The following CD163L1 variants were observed in gnomAD, a reference collection of about 807,000 sequenced individuals.
CD163L1 encodes the protein CD163 molecule like 1.
A neutral mutation model predicts 165.4 loss-of-function variants in CD163L1; 124 were observed. The observed-to-expected ratio is 0.75, with a 90% CI of 0.65 to 0.87. The LOEUF (loss-of-function observed/expected upper bound fraction) is 0.87, where lower values mean the gene tolerates loss of function less well. CD163L1 is among the 40% of genes least tolerant of loss of function. The pLI is 0.00. For synonymous variants in CD163L1, 585 were observed against 662.2 expected (o/e 0.88, Z 1.79); for missense variants, 1,525 against 1,799.9 (o/e 0.85, Z 2.76).
At chr12:7,426,370 G>A (rs1044574637) in intron 4 of CD163L1, among the ~76,000 whole-genome samples, 1 of 151,992 alleles carries the variant, frequency 6.6e-6, no homozygotes, top group Non-Finnish European at 1.5e-5. Flanking sequence ...ATGACAGGTT[G>A]ATAGGTCAGC....
intron 4 of CD163L1, among the ~76,000 whole-genome samples, chr12:7,431,025 A>G (rs1379627647): frequency 1.3e-5 from 2 of 152,178 alleles, no homozygotes; most frequent in African/African-American, 2.4e-5. Context: ...ATGACTACAG[A>G]GAGGTCACTG....
chr12:7,324,206 T>G, the CD163L1 span: 1 of 1,571,872 alleles, frequency 6.4e-7, no homozygotes. Context: ...TACTAGTCAC[T>G]TAATGAGTGC....
chr12:7,367,308 G>A lies in CD163L1; in HGVS notation c.4207C>T (p.Leu1403Phe), dbSNP rs1448681185. Residue 1403 changes from leucine (L) to phenylalanine (F), a missense_variant, in exon 18 of 20, where the codon CTC becomes TTC. Coordinates refer to ENST00000313599, the MANE Select transcript of CD163L1 (RefSeq NM_174941.6). ...LRVSTRRRGS[L>F]EENLFHEMET... is the part of the protein sequence containing the mutation. ...ATCTCATGGAATAAATTCTCCTCGAGAGAACCCCTCCTTCTGGTTGAAACT... is the reference window on the plus strand; with the variant it reads ...ATCTCATGGAATAAATTCTCCTCGAAAGAACCCCTCCTTCTGGTTGAAACT... The A allele has an allele frequency of 6.2e-7, 1 of 1,613,016 alleles. No homozygotes were observed. The highest frequency in any genetic ancestry group is 1.1e-5 in the South Asian group (1 of 90,982).
chr12:7,434,492 A>G (rs1036886868), intron 2 of CD163L1, among the ~76,000 whole-genome samples: 6 of 152,186 alleles, frequency 3.9e-5, no homozygotes, highest in Non-Finnish European at 8.8e-5. Context: ...CAGACAATAA[A>G]AATTTAAATG....
chr12:7,369,802 T>A lies in CD163L1; in HGVS notation c.3731-137A>T. On this transcript the variant is annotated intron_variant, in intron 14 of 19. Transcript: ENST00000313599. This position sits in a 1 kb window ranked among gnomAD's most constrained non-coding sequence, Gnocchi z 4.9. ...AGGAAGGCAGAATTTCAATGTTACA[T>A]AGATTAGACAAGAACCTGTGAAGTG... is the stretch of plus-strand genomic sequence containing the variant. 1 of 722,078 alleles carries A rather than the reference T, an allele frequency of 1.4e-6. No individual in the cohort carries two copies. Among genetic ancestry groups the A allele is most frequent in the Non-Finnish European group, 2.3e-6 (1 of 437,892 alleles). 44.7% of individuals were successfully genotyped at this position (722,078 alleles called of 1,614,324 possible).
rs1023512113 is a variant in CD163L1, at chr12:7,432,937, A to G, written c.446-201T>C. ...ACAAACAAAAAAAATCCTAGGTGAA[A>G]AAATCAATCATTAGCATGATATTCT... On this transcript the variant is annotated intron_variant, in intron 3 of 19. Coordinates refer to ENST00000313599, the MANE Select transcript of CD163L1 (RefSeq NM_174941.6). The surrounding 1 kb of genome is among the most constrained non-coding windows in gnomAD (Gnocchi z 4.2). 9.2e-5 allele frequency among the ~76,000 whole-genome samples: 14 copies of G among 152,198 alleles called. No individual in the cohort carries two copies. Among genetic ancestry groups the G allele is most frequent in the African/African-American group, 3.1e-4 (13 of 41,448 alleles).
Position 7,347,953 on chromosome 12 carries a change from C to T in CD163L1, c.*25-806G>A, listed in dbSNP as rs1946681416. 6.6e-6 allele frequency among the ~76,000 whole-genome samples: 1 copy of T among 152,120 alleles called. No individual in the cohort carries two copies. Among genetic ancestry groups the T allele is most frequent in the African/African-American group, 2.4e-5 (1 of 41,410 alleles). On this transcript the variant is annotated intron_variant, in intron 4 of 4. Coordinates refer to the CD163L1 transcript ENST00000539726. This position sits in a 1 kb window ranked among gnomAD's most constrained non-coding sequence, Gnocchi z 4.2. ...CACATGTCATTCAAATGTCCACAAA[C>T]CCACATTTTTCTTCTTTAAATATTT...
In CD163L1 at chr12:7,368,869, C is replaced by T; in HGVS notation, c.4072+64G>A. The T allele has an allele frequency of 6.4e-7, 1 of 1,565,718 alleles. No homozygotes were observed. The highest frequency in any genetic ancestry group is 1.1e-5 in the South Asian group (1 of 89,708). On this transcript the variant is annotated intron_variant, in intron 16 of 19. Coordinates refer to ENST00000313599, the MANE Select transcript of CD163L1 (RefSeq NM_174941.6). The surrounding 1 kb of genome is among the most constrained non-coding windows in gnomAD (Gnocchi z 4.3). ...CTTTGATTATCATAGCAGTTTCTGCCCTCCCTTGACCTTCCATGTAGCCTT... is the reference window on the plus strand; with the variant it reads ...CTTTGATTATCATAGCAGTTTCTGCTCTCCCTTGACCTTCCATGTAGCCTT...
Position 7,369,469 on chromosome 12 carries a change from C to A in CD163L1, c.3927G>T (p.Trp1309Cys). 1 of 1,614,190 alleles carries A rather than the reference C, an allele frequency of 6.2e-7. No homozygotes were observed. Among genetic ancestry groups the A allele is most frequent in the Non-Finnish European group, 8.5e-7 (1 of 1,180,032 alleles). ...TTCCTTTGCACCGCATGTCATCCAA[C>A]CAGATGGTTCCAGTTCCCTGGCCAA... ...ASFGQGTGTI[W>C]LDDMRCKGNE... Residue 1309 changes from tryptophan to cysteine, a missense_variant, in exon 15 of 20, where the codon TGG (tryptophan) becomes TGT (cysteine). By Grantham distance (215) the Trp-to-Cys change is radical (BLOSUM62 -2). Transcript: ENST00000313599. This position sits in a 1 kb window ranked among gnomAD's most constrained non-coding sequence, Gnocchi z 4.9.
chr12:7,338,419 G>A, the CD163L1 span, among the ~76,000 whole-genome samples: 7 of 152,184 alleles, frequency 4.6e-5, no homozygotes, highest in Non-Finnish European at 1.0e-4. Context: ...ACATGAATAA[G>A]CATGTTAAGA....
At chr12:7,421,329 T>C (rs1457473784) in intron 4 of CD163L1, among the ~76,000 whole-genome samples, 24 of 106,280 alleles carry the variant, frequency 2.3e-4, no homozygotes, top group African/African-American at 6.3e-4. Context: ...GATATATATG[T>C]ATATATATCT....
chr12:7,334,265 AG>A, the CD163L1 span, among the ~76,000 whole-genome samples: 1 of 152,230 alleles, frequency 6.6e-6, no homozygotes, highest in African/African-American at 2.4e-5. Context: ...AACTGAATCC[AG>A]CAACACATCA....
chr12:7,412,957 A>G (rs1412477805), intron 4 of CD163L1, among the ~76,000 whole-genome samples: 4 of 151,810 alleles, frequency 2.6e-5, no homozygotes, highest in African/African-American at 9.7e-5. Context: ...TTAGCCAGGC[A>G]TGGTGGCAGG....
At chr12:7,418,888 A>C (rs1012584669) in intron 4 of CD163L1, among the ~76,000 whole-genome samples, 4 of 152,046 alleles carry the variant, frequency 2.6e-5, no homozygotes, top group Non-Finnish European at 5.9e-5. Flanking sequence ...GGTAATTTTT[A>C]AAAATGAGAA....
intron 4 of CD163L1, among the ~76,000 whole-genome samples, chr12:7,421,049 G>GTATATATACGTATA (rs1198584213): frequency 1.4e-5 from 1 of 71,594 alleles, no homozygotes; most frequent in African/African-American, 1.1e-4. Context: ...GTATATATAT[G>GTATATATACGTATA]TATATACGTA....
chr12:7,434,086 A>T (rs934825534), intron 2 of CD163L1, among the ~76,000 whole-genome samples: 62 of 152,302 alleles, frequency 4.1e-4, no homozygotes, highest in African/African-American at 1.4e-3. Context: ...TTTTTGAAGG[A>T]GATGTTTTAT....
At chr12:7,403,977 G>A (rs1156619582) in intron 5 of CD163L1, 122 bp from the exon 6 acceptor site, 4 of 572,004 alleles carry the variant, frequency 7.0e-6, no homozygotes, top group Middle Eastern at 2.8e-4. Context: ...GAAAAGTAAA[G>A]ACTAAAGACT....
the CD163L1 span, chr12:7,324,351 G>C: frequency 6.2e-7 from 1 of 1,614,084 alleles, no homozygotes; most frequent in South Asian, 1.1e-5. Flanking sequence ...GGACAGTGAT[G>C]GGTATTTCTG....
At chr12:7,437,316 T>G (rs747848159) in intron 2 of CD163L1, among the ~76,000 whole-genome samples, 1 of 137,944 alleles carries the variant, frequency 7.2e-6, no homozygotes, top group African/African-American at 3.0e-5. Context: ...TTAATGAATA[T>G]TATTTTTATT....
Sources: gnomAD v4.1 joint callset for allele counts (sites outside exome capture counted in the v4.1 genomes callset) on GRCh38, gnomAD v4.1.1 for gene constraint, Gnocchi (gnomAD v3.1) non-coding constraint, MANE v1.5 for transcripts, NCBI Gene and HGNC (gene_info 2026-07-23, HGNC 2026-07-21) for gene names.